CA6: variants seen among roughly 807,000 people sequenced by gnomAD.
CA6 encodes carbonate dehydratase VI.
Under a neutral mutation model 35.9 loss-of-function variants are expected in CA6, and 28 were observed. The observed-to-expected ratio is 0.78, with a 90% CI of 0.58 to 1.07. The LOEUF (loss-of-function observed/expected upper bound fraction) is 1.07, where lower values mean the gene tolerates loss of function less well. Ranked by LOEUF, CA6 falls within the 50% of genes least tolerant of loss-of-function variation. The pLI is 0.00. For synonymous variants in CA6, 148 were observed against 152.6 expected (o/e 0.97, Z 0.22); for missense variants, 377 against 382.0 (o/e 0.99, Z 0.11).
chr1:8,964,475 T>C (rs1639921142), intron 5 of CA6, among the ~76,000 whole-genome samples: 1 of 152,150 alleles, frequency 6.6e-6, no homozygotes, highest in African/African-American at 2.4e-5. Flanking sequence ...CTCGATCTCC[T>C]GACCTTGTGA....
At chr1:8,952,682 A>C (rs1639570686) in intron 2 of CA6, 1 of 152,114 alleles carries the variant, frequency 6.6e-6, no homozygotes, top group Non-Finnish European at 1.5e-5. Flanking sequence ...TTTGAGACGA[A>C]GTCGTGCCCT....
intron 2 of CA6, among the ~76,000 whole-genome samples, chr1:8,955,274 G>T (rs1210582752): frequency 6.6e-6 from 1 of 152,220 alleles, no homozygotes; most frequent in Non-Finnish European, 1.5e-5. Context: ...TACTTGAGGG[G>T]CTGAGGCAGG....
At chr1:8,973,744 CT>C (rs1291501347) in intron 7 of CA6, among the ~76,000 whole-genome samples, 1 of 19,686 alleles carries the variant, frequency 5.1e-5, no homozygotes, top group South Asian at 3.1e-3. Flanking sequence ...TTCTTTCTTT[CT>C]TTCTTTCTTT....
intron 1 of CA6, among the ~76,000 whole-genome samples, chr1:8,949,041 G>T (rs1445453346): frequency 6.6e-6 from 1 of 151,890 alleles, no homozygotes; most frequent in Admixed American, 6.5e-5. Context: ...GTTGCCACAG[G>T]AAAGTTAGAG....
rs1640229448 is a variant in CA6 at position 8,974,917 on chromosome 1, A to C, written c.*213A>C. ...AGATGGCTTCAGTTCATGAGACGGG[A>C]TCTGAGTTAGACATCACCAGTGGAA... On this transcript the variant is annotated 3_prime_UTR_variant, in exon 8 of 8. Coordinates refer to ENST00000377443, the MANE Select transcript of CA6 (RefSeq NM_001215.4). 2.2e-6 allele frequency: 1 copy of C among 451,506 alleles called. No individual in the cohort carries two copies. Among genetic ancestry groups the C allele is most frequent in the Admixed American group, 4.4e-5 (1 of 22,530 alleles). The allele number at this position is 451,506 out of a possible 1,614,324, so 28.0% of individuals were successfully genotyped here.
chr1:8,955,139 C>T (rs1346887283), intron 2 of CA6, among the ~76,000 whole-genome samples: 1 of 152,094 alleles, frequency 6.6e-6, no homozygotes, highest in South Asian at 2.1e-4. Context: ...CTTTGAGAGG[C>T]CAAGGCAGGT....
intron 2 of CA6, chr1:8,952,568 C>T (rs750393895): frequency 6.6e-6 from 1 of 152,186 alleles, no homozygotes; most frequent in African/African-American, 2.4e-5. Context: ...AGCTAATCTA[C>T]AAACTTTGAA....
intron 4 of CA6, among the ~76,000 whole-genome samples, chr1:8,959,713 C>CT (rs1639784846): frequency 6.6e-6 from 1 of 151,858 alleles, no homozygotes; most frequent in Non-Finnish European, 1.5e-5. Context: ...GGATGGATCA[C>CT]TTGGGGTCAG....
chr1:8,959,934 A>G (rs1040886590), intron 4 of CA6, among the ~76,000 whole-genome samples: 9 of 147,628 alleles, frequency 6.1e-5, no homozygotes, highest in African/African-American at 2.0e-4. Flanking sequence ...TCTATCTCAA[A>G]AAAAAAAAAA....
intron 1 of CA6, among the ~76,000 whole-genome samples, chr1:8,948,193 C>T (rs1400515992): frequency 6.6e-6 from 1 of 152,010 alleles, no homozygotes; most frequent in Non-Finnish European, 1.5e-5. Flanking sequence ...CACACAGCTA[C>T]CCCCGAACAG....
intron 2 of CA6, among the ~76,000 whole-genome samples, chr1:8,955,056 T>G (rs1569675166): frequency 1.6e-5 from 1 of 61,412 alleles, no homozygotes; most frequent in East Asian, 3.2e-4. Flanking sequence ...CATTAATATA[T>G]ATTGCCCAGG....
chr1:8,961,938 C>G (rs1183219086), intron 4 of CA6, among the ~76,000 whole-genome samples: 1 of 152,106 alleles, frequency 6.6e-6, no homozygotes, highest in Non-Finnish European at 1.5e-5. Flanking sequence ...GTGGCTGACA[C>G]TGCCCAAAAC....
At chr1:8,971,438 A>G (rs1452720217) in intron 7 of CA6, among the ~76,000 whole-genome samples, 1 of 148,524 alleles carries the variant, frequency 6.7e-6, no homozygotes, top group Non-Finnish European at 1.5e-5. Flanking sequence ...CAACCTCCCC[A>G]GTAGCTGGGA....
In CA6 at chr1:8,951,020, A is replaced by C. The variant is rs188083503; in HGVS notation, c.259+1578A>C. Among the ~76,000 whole-genome samples the C allele has an allele frequency of 1.0e-3, 157 of 152,140 alleles. 2 individuals are homozygous for C. The highest frequency in any genetic ancestry group is 3.6e-3 in the African/African-American group (150 of 41,472). ...CACCTGAGGTCAGGAGTTCGAGACT[A>C]GCCTGGCCAACATGGTGAAACCTTG... is the stretch of plus-strand genomic sequence containing the variant. On this transcript the variant is annotated intron_variant, in intron 2 of 7. Transcript: ENST00000377443.
chr1:8,954,328 T>C (rs148847069), intron 2 of CA6, among the ~76,000 whole-genome samples: 2 of 152,274 alleles, frequency 1.3e-5, no homozygotes, highest in East Asian at 3.9e-4. Flanking sequence ...CCATGCTCCA[T>C]TAAGTTTTAT....
In CA6 at chr1:8,951,179, G is replaced by A. The variant is rs180988711; in HGVS notation, c.259+1737G>A. Among the ~76,000 whole-genome samples the A allele has an allele frequency of 3.1e-4, 46 of 150,670 alleles. 1 individual carries two copies. The East Asian group carries it at 8.8e-3, about 29-fold the overall frequency. On this transcript the variant is annotated intron_variant, in intron 2 of 7. Transcript: ENST00000377443. Reference sequence around the variant, plus strand: ...TGCAGTGAGCCAAGATCGTGCCATTGCACCCCAGCCTGGGCAACAAGAGCA... The same window carrying A: ...TGCAGTGAGCCAAGATCGTGCCATTACACCCCAGCCTGGGCAACAAGAGCA...
chr1:8,974,728 T>G lies in CA6; in HGVS notation c.*24T>G. 6.7e-7 allele frequency: 1 copy of G among 1,481,674 alleles called. No homozygotes were observed. The highest frequency in any genetic ancestry group is 9.3e-7 in the Non-Finnish European group (1 of 1,080,278). The allele number at this position is 1,481,674 out of a possible 1,614,324, so 91.8% of individuals were successfully genotyped here. A position where few individuals can be genotyped will look rare whatever the true frequency, so the allele number is the denominator to read the frequency against. On this transcript the variant is annotated 3_prime_UTR_variant, in exon 8 of 8. Coordinates refer to ENST00000377443, the MANE Select transcript of CA6 (RefSeq NM_001215.4). Reference sequence around the variant, plus strand: ...GAGGAAAGCTAAGAGGAAGATTCAATATTAACTAGCTTGAAGCCTGACCTA... The same window carrying G: ...GAGGAAAGCTAAGAGGAAGATTCAAGATTAACTAGCTTGAAGCCTGACCTA...
rs1166753503 is a variant in CA6 at position 8,949,307 on chromosome 1, T to G, written c.124T>G (p.Cys42Gly). The change falls in exon 2 of 8, where the codon TGT (cysteine) becomes GGT (glycine). Residue 42 changes from cysteine (C) to glycine (G), a missense_variant. Physicochemically the swap from Cys to Gly is radical, Grantham distance 159. Transcript: ENST00000377443. ...GCACTGGCCACAGCACTACCCCGCCTGTGGGGGCCAGAGACAGTCGCCTAT... is the reference window on the plus strand; with the variant it reads ...GCACTGGCCACAGCACTACCCCGCCGGTGGGGGCCAGAGACAGTCGCCTAT... Reference protein sequence around the residue: ...EAHWPQHYPACGGQRQSPINL... With the variant: ...EAHWPQHYPAGGGQRQSPINL... The G allele has an allele frequency of 1.2e-6, 2 of 1,612,996 alleles. No individual in the cohort carries two copies. The highest frequency in any genetic ancestry group is 1.7e-6 in the Non-Finnish European group (2 of 1,179,552).
chr1:8,967,752 C>G lies in CA6; in HGVS notation c.665C>G (p.Pro222Arg), dbSNP rs779569506. 6.2e-7 allele frequency: 1 copy of G among 1,614,116 alleles called. No individual in the cohort carries two copies. The highest frequency in any genetic ancestry group is 1.7e-5 in the Admixed American group (1 of 59,982). Residue 222 changes from proline (P) to arginine (R), a missense_variant, in exon 6 of 8, where the codon CCT becomes CGT. Transcript: ENST00000377443. ...YYTYHGSLTT[P>R]PCTENVHWFV... ...ACCTACCATGGCTCACTCACCACGCCTCCCTGCACTGAGAACGTCCACTGG... is the reference window on the plus strand; with the variant it reads ...ACCTACCATGGCTCACTCACCACGCGTCCCTGCACTGAGAACGTCCACTGG...
Sources: gnomAD v4.1 joint callset for allele counts (sites outside exome capture counted in the v4.1 genomes callset) on GRCh38, gnomAD v4.1.1 for gene constraint, MANE v1.5 for transcripts, NCBI Gene and HGNC (gene_info 2026-07-23, HGNC 2026-07-21) for gene names.